ZC3H12B: variants seen among roughly 807,000 people sequenced by gnomAD.
ZC3H12B encodes probable ribonuclease ZC3H12B.
In ZC3H12B, 7 loss-of-function variants were observed where a neutral mutation model predicts 43.9. That is an observed-to-expected ratio of 0.16 (90% CI 0.09 to 0.30). The LOEUF (loss-of-function observed/expected upper bound fraction) is 0.30. ZC3H12B is among the 10% of genes least tolerant of loss of function. ZC3H12B has a pLI of 1.00. For missense variants in ZC3H12B, 475 were observed against 670.2 expected (o/e 0.71, Z 3.22); for synonymous variants, 222 against 241.7 (o/e 0.92, Z 0.76).
At chrX:65,067,614 TTTTA>T in the ZC3H12B span, among the ~76,000 whole-genome samples, 1 of 111,854 alleles carries the variant, frequency 8.9e-6, no homozygotes, top group South Asian at 3.7e-4. Context: ...CCATTTCTGA[TTTTA>T]TTTATTTGTA....
chrX:65,398,054 A>G (rs2066721814), intron 2 of ZC3H12B, among the ~76,000 whole-genome samples: 1 of 112,067 alleles, frequency 8.9e-6, no homozygotes, highest in African/African-American at 3.2e-5. Context: ...AATAAAATAC[A>G]TAGAATTAAC....
chrX:65,388,990 C>T, intron 2 of ZC3H12B, among the ~76,000 whole-genome samples: 1 of 111,919 alleles, frequency 8.9e-6, no homozygotes, highest in Non-Finnish European at 1.9e-5. Flanking sequence ...CTGATCGTTC[C>T]TCTGGAAGTT....
chrX:65,347,115 C>T, the ZC3H12B span, among the ~76,000 whole-genome samples: 1 of 112,269 alleles, frequency 8.9e-6, no homozygotes, highest in African/African-American at 3.2e-5. Flanking sequence ...GATCAGGCAG[C>T]AACCTTTACT....
At chrX:65,352,675 T>G in the ZC3H12B span, among the ~76,000 whole-genome samples, 1 of 111,219 alleles carries the variant, frequency 9.0e-6, no homozygotes, top group African/African-American at 3.3e-5. Context: ...CTGCCTTTTT[T>G]ACAAATTGAA....
the ZC3H12B span, among the ~76,000 whole-genome samples, chrX:65,152,196 A>G: frequency 1.8e-5 from 2 of 110,937 alleles, no homozygotes; most frequent in African/African-American, 3.3e-5. Flanking sequence ...CTCTCTCACC[A>G]CTCCTACTCA....
the ZC3H12B span, among the ~76,000 whole-genome samples, chrX:65,165,866 G>A: frequency 8.9e-6 from 1 of 111,826 alleles, no homozygotes; most frequent in South Asian, 3.7e-4. Flanking sequence ...TTCAGGAATG[G>A]CCACACTGTC....
At chrX:65,440,479 G>A (rs2067287488) in intron 3 of ZC3H12B, among the ~76,000 whole-genome samples, 1 of 112,257 alleles carries the variant, frequency 8.9e-6, no homozygotes, top group African/African-American at 3.2e-5. Context: ...TTGAGCTGAA[G>A]TATAGGATGT....
At chrX:65,373,191 A>T (rs945601555) in intron 2 of ZC3H12B, among the ~76,000 whole-genome samples, 1 of 112,435 alleles carries the variant, frequency 8.9e-6, no homozygotes, top group Non-Finnish European at 1.9e-5. Flanking sequence ...CCACAATGAG[A>T]TACCATCTCA....
chrX:65,157,519 G>A, the ZC3H12B span, among the ~76,000 whole-genome samples: 1 of 111,401 alleles, frequency 9.0e-6, no homozygotes, highest in Non-Finnish European at 1.9e-5. Context: ...AGCTACACCA[G>A]CTTTCTGTCA....
At chrX:65,167,255 A>G in the ZC3H12B span, among the ~76,000 whole-genome samples, 2 of 111,920 alleles carry the variant, frequency 1.8e-5, no homozygotes, top group Non-Finnish European at 3.8e-5. Context: ...TCAGCTTTCT[A>G]CATATGGCTA....
At chrX:65,219,809 T>TACACACACACACACACACAC in the ZC3H12B span, among the ~76,000 whole-genome samples, 1 of 76,707 alleles carries the variant, frequency 1.3e-5, no homozygotes, top group Non-Finnish European at 2.6e-5. Context: ...TACACACACA[T>TACACACACACACACACACAC]ACACACACAC....
At chrX:65,424,566 C>T in intron 3 of ZC3H12B, among the ~76,000 whole-genome samples, 1 of 111,999 alleles carries the variant, frequency 8.9e-6, no homozygotes. Flanking sequence ...AATGGTATTG[C>T]CCAGATTTTC....
the ZC3H12B span, among the ~76,000 whole-genome samples, chrX:65,348,100 G>A: frequency 1.8e-5 from 2 of 111,036 alleles, no homozygotes; most frequent in African/African-American, 6.6e-5. Flanking sequence ...GGGGGAGTGG[G>A]GGGATAGCAT....
chrX:65,331,920 G>A, the ZC3H12B span, among the ~76,000 whole-genome samples: 1 of 111,413 alleles, frequency 9.0e-6, no homozygotes, highest in African/African-American at 3.3e-5. Context: ...AGGATGACCA[G>A]AGGTCACTCT....
intron 3 of ZC3H12B, among the ~76,000 whole-genome samples, chrX:65,401,414 A>C (rs759187431): frequency 8.9e-6 from 1 of 112,005 alleles, no homozygotes; most frequent in Admixed American, 9.5e-5. Flanking sequence ...GTAGTCACCT[A>C]GCCTAGTGGT....
At chrX:65,496,948 C>CAAAAAAAAAAAAAA (rs373400545) in intron 1 of ZC3H12B, among the ~76,000 whole-genome samples, 184 bp from the exon 7 acceptor site, 15 of 40,639 alleles carry the variant, frequency 3.7e-4, no homozygotes, top group Non-Finnish European at 6.7e-4. Context: ...AAAGTGAGAC[C>CAAAAAAAAAAAAAA]AAAAAAAAAA....
chrX:65,135,478 A>AT, the ZC3H12B span, among the ~76,000 whole-genome samples: 13 of 107,341 alleles, frequency 1.2e-4, no homozygotes, highest in African/African-American at 1.7e-4. Flanking sequence ...TGTTTTCAGG[A>AT]TTTTTTGTCT....
chrX:65,259,831 T>C, the ZC3H12B span, among the ~76,000 whole-genome samples: 1 of 111,363 alleles, frequency 9.0e-6, no homozygotes, highest in African/African-American at 3.3e-5. Flanking sequence ...CAAATGCCCA[T>C]CAATCAATGA....
At chrX:65,188,903 G>A in the ZC3H12B span, among the ~76,000 whole-genome samples, 18 of 103,226 alleles carry the variant, frequency 1.7e-4, no homozygotes, top group Admixed American at 1.5e-3. Flanking sequence ...CCACTAACTC[G>A]TCATCTAACA....
Sources: allele counts gnomAD v4.1 joint callset (sites outside exome capture counted in the v4.1 genomes callset), GRCh38; gene constraint gnomAD v4.1.1; transcripts MANE v1.5; gene names NCBI Gene and HGNC (gene_info 2026-07-23, HGNC 2026-07-21).